The following AFAP1 variants were observed in gnomAD, a reference collection of about 807,000 sequenced individuals.
The protein encoded by AFAP1 is actin filament-associated protein 1.
In AFAP1, 75 loss-of-function variants were observed where a neutral mutation model predicts 93.9. The observed-to-expected ratio is 0.80, with a 90% CI of 0.66 to 0.97. The LOEUF is 0.97. Among genes scored for constraint, AFAP1 ranks in the 50% least tolerant of loss-of-function variants. The probability of loss-of-function intolerance (pLI) is 0.00; values close to 1 mark genes in which losing one functional copy is unlikely to be tolerated. For missense variants in AFAP1, 1,201 were observed against 1,050.8 expected (o/e 1.14, Z -1.98); for synonymous variants, 517 against 430.7 (o/e 1.20, Z -2.48).
intron 6 of AFAP1, among the ~76,000 whole-genome samples, chr4:7,833,105 T>A (rs945346243): frequency 3.9e-5 from 6 of 152,208 alleles, no homozygotes; most frequent in African/African-American, 1.2e-4. Flanking sequence ...AAGGACTTCA[T>A]GACCAAGAAC....
In AFAP1 at chr4:7,800,540, T is replaced by G. The variant is rs919060798; in HGVS notation, c.1168A>C (p.Ile390Leu). 1 of 1,614,216 alleles carries G rather than the reference T, an allele frequency of 6.2e-7. No individual in the cohort carries two copies. The highest frequency in any genetic ancestry group is 1.6e-4 in the Middle Eastern group (1 of 6,062). ...ATCACCTCGCAGCCACGGAGCGGAA[T>G]AGACACAATATGGGTCTTCAGGTCG... ...RTDLKTHIVS[I>L]PLRGCEVIPG... The change falls in exon 10 of 18, where the codon ATT becomes CTT. Residue 390 changes from isoleucine to leucine, a missense_variant. Physicochemically the swap from Ile to Leu is conservative, Grantham distance 5 (BLOSUM62 2). Transcript: ENST00000420658.
At chr4:7,898,808 A>AGTGAGTGTGT (rs1553853360) in intron 1 of AFAP1, among the ~76,000 whole-genome samples, 7 of 137,026 alleles carry the variant, frequency 5.1e-5, no homozygotes, top group Middle Eastern at 3.6e-3. Context: ...GGGCAGTAGA[A>AGTGAGTGTGT]GTGTGTGTGT....
At position 7,939,600 on chromosome 4, in the gene AFAP1, C is replaced by A. The variant is rs755185263; in HGVS notation, c.-3+56G>T. 2.5e-6 allele frequency: 1 copy of A among 403,814 alleles called. No individual in the cohort carries two copies. The allele number at this position is 403,814 out of a possible 1,614,324, so 25.0% of individuals were successfully genotyped here. On this transcript the variant is annotated intron_variant, in intron 1 of 17. Coordinates refer to ENST00000420658, the MANE Select transcript of AFAP1 (RefSeq NM_001134647.2). The surrounding 1 kb of genome is among the most constrained non-coding windows in gnomAD (Gnocchi z 5.6). ...GAGCCCCGCTCGGAGCTTCCACGCC[C>A]GGGGCAGAGACCCCCGCCGGGTCCG... is the stretch of plus-strand genomic sequence containing the variant.
At chr4:7,853,929 A>G (rs765630221) in intron 4 of AFAP1, among the ~76,000 whole-genome samples, 26 of 152,166 alleles carry the variant, frequency 1.7e-4, no homozygotes, top group Non-Finnish European at 3.4e-4. Context: ...TTCTGGAGTC[A>G]GCGGCTAAGG....
intron 1 of AFAP1, among the ~76,000 whole-genome samples, chr4:7,933,056 C>T (rs115755072): frequency 0.023 from 3,292 of 145,776 alleles, 134 homozygotes; most frequent in African/African-American, 0.078. Context: ...GGGATCTTCA[C>T]GTTCCTGACG....
intron 9 of AFAP1, among the ~76,000 whole-genome samples, chr4:7,802,328 G>A (rs979099173): frequency 5.3e-5 from 8 of 152,230 alleles, no homozygotes; most frequent in Non-Finnish European, 1.2e-4. Flanking sequence ...CTTGTGTTCA[G>A]AGAGCAAACT....
intron 1 of AFAP1, among the ~76,000 whole-genome samples, chr4:7,925,846 A>AG (rs1560239551): frequency 9.5e-6 from 1 of 105,084 alleles, no homozygotes; most frequent in Non-Finnish European, 1.8e-5. Context: ...ACTCTGTCTC[A>AG]AAAAAAAAAA....
rs1240062145 is a variant in AFAP1 at position 7,897,586 on chromosome 4, G to A, written c.-2-25506C>T. On this transcript the variant is annotated intron_variant, in intron 1 of 17. Transcript: ENST00000420658. ...GTCACCCAGGCTGGAGGGCAATGGC[G>A]TGATCTTGGCTCAATGCACCTCAGC... Among the ~76,000 whole-genome samples, 20 of 152,040 alleles carry A rather than the reference G, an allele frequency of 1.3e-4. No individual in the cohort carries two copies. In the East Asian group the frequency reaches 1.4e-3, roughly 10 times the overall value.
intron 6 of AFAP1, among the ~76,000 whole-genome samples, chr4:7,826,209 A>T (rs1323819167): frequency 6.6e-6 from 1 of 152,206 alleles, no homozygotes; most frequent in Admixed American, 6.5e-5. Context: ...TGACAGAATG[A>T]GTCCACAGTC....
rs777796726 is a variant in AFAP1, at chr4:7,871,935, G to A, written c.127+17C>T. 3.7e-5 allele frequency: 60 copies of A among 1,613,058 alleles called. No homozygotes were observed. In the Middle Eastern group the frequency reaches 6.6e-4, roughly 18 times the overall value. On this transcript the variant is annotated intron_variant, in intron 2 of 17. Transcript: ENST00000420658. ...GACACTGTAAGAAGGAAAAGCAGGC[G>A]TCAGAATGAGACTCACCTTTGGATG...
At chr4:7,858,756 G>A (rs917079613) in intron 3 of AFAP1, among the ~76,000 whole-genome samples, 2 of 152,132 alleles carry the variant, frequency 1.3e-5, no homozygotes, top group Non-Finnish European at 1.5e-5. Flanking sequence ...GACTCCACGT[G>A]CCCATTCCCT....
chr4:7,899,142 T>C (rs1718971922), intron 1 of AFAP1, among the ~76,000 whole-genome samples: 1 of 152,052 alleles, frequency 6.6e-6, no homozygotes, highest in Non-Finnish European at 1.5e-5. Flanking sequence ...AATATTTTAA[T>C]AGACAGATGC....
chr4:7,925,624 ATT>A (rs1313377939), intron 1 of AFAP1, among the ~76,000 whole-genome samples: 1 of 152,166 alleles, frequency 6.6e-6, no homozygotes, highest in African/African-American at 2.4e-5. Flanking sequence ...AGTCAGGCGG[ATT>A]ACCTGAGGTT....
In AFAP1 at chr4:7,762,372, A is replaced by AG. The variant is rs1412749957; in HGVS notation, c.*1392dup. ...CACCTCTGTATTCTATGCTTGGGGA[A>AG]GGGGCGGTTGCTACTGGGACTGGTC... On this transcript the variant is annotated 3_prime_UTR_variant, in exon 18 of 18. Transcript: ENST00000420658. The AG allele has an allele frequency of 6.6e-6, 1 of 152,228 alleles. No individual in the cohort carries two copies. The highest frequency in any genetic ancestry group is 1.5e-5 in the Non-Finnish European group (1 of 68,082). 9.4% of individuals were successfully genotyped at this position (152,228 alleles called of 1,614,324 possible).
chr4:7,811,799 G>A (rs929287151), intron 8 of AFAP1, among the ~76,000 whole-genome samples: 1 of 152,148 alleles, frequency 6.6e-6, no homozygotes, highest in Non-Finnish European at 1.5e-5. Context: ...AATGCATGTT[G>A]TTTCAGCCAC....
chr4:7,922,041 T>C (rs1720467484), intron 1 of AFAP1, among the ~76,000 whole-genome samples: 1 of 152,098 alleles, frequency 6.6e-6, no homozygotes, highest in Non-Finnish European at 1.5e-5. Flanking sequence ...CAGAATCGCT[T>C]GAACCCAGGA....
intron 1 of AFAP1, among the ~76,000 whole-genome samples, chr4:7,925,019 T>C (rs1260048048): frequency 1.3e-5 from 2 of 152,052 alleles, no homozygotes; most frequent in Non-Finnish European, 2.9e-5. Flanking sequence ...TTCTTTTCCA[T>C]CCTGAAGCTT....
chr4:7,931,652 G>C (rs934866854), intron 1 of AFAP1, among the ~76,000 whole-genome samples: 4 of 151,740 alleles, frequency 2.6e-5, no homozygotes, highest in African/African-American at 4.9e-5. Context: ...CTAAGTGCTG[G>C]GATTACGGGT....
At chr4:7,813,707 A>G (rs1429339255) in intron 8 of AFAP1, among the ~76,000 whole-genome samples, 1 of 152,240 alleles carries the variant, frequency 6.6e-6, no homozygotes, top group Non-Finnish European at 1.5e-5. Context: ...TTTCCACTGA[A>G]TAACTTCCGA....
Sources: allele counts gnomAD v4.1 joint callset (sites outside exome capture counted in the v4.1 genomes callset), GRCh38; gene constraint gnomAD v4.1.1; non-coding constraint Gnocchi (gnomAD v3.1); transcripts MANE v1.5; gene names NCBI Gene and HGNC (gene_info 2026-07-23, HGNC 2026-07-21).